SLC7A11: variants seen among roughly 807,000 people sequenced by gnomAD.
SLC7A11 encodes the protein cystine/glutamate transporter.
Under a neutral mutation model 54.5 loss-of-function variants are expected in SLC7A11, and 35 were observed. That is an observed-to-expected ratio of 0.64 (90% CI 0.49 to 0.85). The LOEUF is 0.85. SLC7A11 is among the 40% of genes least tolerant of loss of function. SLC7A11 has a pLI of 0.00. For missense variants in SLC7A11, 583 were observed against 618.1 expected, an observed-to-expected ratio of 0.94 and a Z score of 0.60; for synonymous variants, 230 against 225.2, an observed-to-expected ratio of 1.02 and a Z score of -0.19.
chr4:138,204,299 C>T (rs995309259), intron 6 of SLC7A11, among the ~76,000 whole-genome samples: 2 of 151,966 alleles, frequency 1.3e-5, no homozygotes, highest in African/African-American at 2.4e-5. Flanking sequence ...CTTTCTACAG[C>T]GCAGAATGAA....
chr4:138,200,174 A>G (rs1378566048), intron 6 of SLC7A11, among the ~76,000 whole-genome samples: 6 of 152,142 alleles, frequency 3.9e-5, no homozygotes, highest in Non-Finnish European at 8.8e-5. Flanking sequence ...TGACAATATC[A>G]ATAACAGAAA....
At position 138,216,308 on chromosome 4, in the gene SLC7A11, A is replaced by C. The variant is rs767610730; in HGVS notation, c.747-1679T>G. Among the ~76,000 whole-genome samples, 5 of 152,304 alleles carry C rather than the reference A, an allele frequency of 3.3e-5. 1 individual carries two copies. In the Middle Eastern group the frequency reaches 0.01, roughly 311 times the overall value. On this transcript the variant is annotated intron_variant, in intron 5 of 11. Coordinates refer to ENST00000280612, the MANE Select transcript of SLC7A11 (RefSeq NM_014331.4). ...AAATAATCCCAGCAAGTGCTTTAGA[A>C]AGACTAAATCCATAGAGGGGGATAG...
intron 6 of SLC7A11, among the ~76,000 whole-genome samples, chr4:138,193,254 A>G (rs889519963): frequency 6.6e-6 from 1 of 152,178 alleles, no homozygotes. Context: ...CTAGTGATCA[A>G]CTAAACAACT....
chr4:138,191,929 A>G (rs1737021505), intron 6 of SLC7A11, among the ~76,000 whole-genome samples: 1 of 152,178 alleles, frequency 6.6e-6, no homozygotes, highest in African/African-American at 2.4e-5. Flanking sequence ...TAAATAAAAT[A>G]CTAACAAAAA....
At chr4:138,222,593 G>A (rs6811062) in intron 4 of SLC7A11, among the ~76,000 whole-genome samples, 22,387 of 152,034 alleles carry the variant, frequency 0.15, 2,347 homozygotes, top group African/African-American at 0.3. Flanking sequence ...TAAATTAAAT[G>A]TTAAACTCTA....
chr4:138,192,012 G>C (rs1165584788), intron 6 of SLC7A11, among the ~76,000 whole-genome samples: 1 of 151,960 alleles, frequency 6.6e-6, no homozygotes, highest in African/African-American at 2.4e-5. Flanking sequence ...TATCTCTTAG[G>C]TTGTTTTTAA....
At chr4:138,225,094 A>C (rs1443373697) in intron 3 of SLC7A11, among the ~76,000 whole-genome samples, 5 of 145,370 alleles carry the variant, frequency 3.4e-5, no homozygotes, top group African/African-American at 1.3e-4. Flanking sequence ...TAACTAAATG[A>C]TGTGACAGAG....
rs549234039 is a variant in SLC7A11 at position 138,165,712 on chromosome 4, T to C, written c.*6244A>G. 1 of 152,268 alleles carries C rather than the reference T, an allele frequency of 6.6e-6. No individual in the cohort carries two copies. Among genetic ancestry groups the C allele is most frequent in the Admixed American group, 6.5e-5 (1 of 15,272 alleles). 9.4% of individuals were successfully genotyped at this position (152,268 alleles called of 1,614,324 possible). On this transcript the variant is annotated 3_prime_UTR_variant, in exon 12 of 12. Transcript: ENST00000280612. ...CTACTATAGATTCTAGGAATTGTCC[T>C]AAAAGAGTAAAGTGTTGTTTCCTTT...
chr4:138,218,665 A>G (rs979031910), intron 5 of SLC7A11, among the ~76,000 whole-genome samples: 5 of 152,140 alleles, frequency 3.3e-5, no homozygotes, highest in African/African-American at 1.2e-4. Flanking sequence ...AATCATCTTC[A>G]CTTTTTTAAA....
rs369253600 is a variant in SLC7A11 at position 138,182,289 on chromosome 4, T to G, written c.1116+8A>C. 6.5e-7 allele frequency: 1 copy of G among 1,535,836 alleles called. No individual in the cohort carries two copies. The highest frequency in any genetic ancestry group is 9.0e-7 in the Non-Finnish European group (1 of 1,109,162). On this transcript the variant is annotated splice_region_variant and intron_variant, in intron 9 of 11. Coordinates refer to ENST00000280612, the MANE Select transcript of SLC7A11 (RefSeq NM_014331.4). ...TTATATCTAGATATACTTGTTAATA[T>G]GCATTACCAAAACAATAACAGCTGG...
At chr4:138,197,512 C>A (rs191600006) in intron 6 of SLC7A11, among the ~76,000 whole-genome samples, 113 of 151,956 alleles carry the variant, frequency 7.4e-4, no homozygotes, top group African/African-American at 2.6e-3. Flanking sequence ...CCATAGTACA[C>A]AGAAAAATAA....
intron 9 of SLC7A11, among the ~76,000 whole-genome samples, chr4:138,181,906 G>T (rs1200061299): frequency 6.6e-6 from 1 of 151,998 alleles, no homozygotes; most frequent in Non-Finnish European, 1.5e-5. Flanking sequence ...TCATTATAAG[G>T]TGCCTAGATG....
intron 4 of SLC7A11, among the ~76,000 whole-genome samples, 156 bp downstream of exon 4, chr4:138,223,043 T>G (rs749587374): frequency 2.6e-5 from 4 of 152,132 alleles, no homozygotes; most frequent in Admixed American, 2.0e-4. Flanking sequence ...TCACTCACAA[T>G]GTAGCAGCCT....
intron 6 of SLC7A11, among the ~76,000 whole-genome samples, chr4:138,210,501 A>C (rs1250930196): frequency 2.0e-5 from 3 of 152,156 alleles, no homozygotes; most frequent in Non-Finnish European, 4.4e-5. Flanking sequence ...TGTATCTGAC[A>C]AAAGTTTAAT....
intron 3 of SLC7A11, among the ~76,000 whole-genome samples, chr4:138,230,804 A>G (rs1489305813): frequency 6.6e-6 from 1 of 152,190 alleles, no homozygotes; most frequent in Non-Finnish European, 1.5e-5. Context: ...AACAGACTAT[A>G]GACTTTTCTG....
chr4:138,196,105 A>G (rs182749049), intron 6 of SLC7A11, among the ~76,000 whole-genome samples: 1 of 152,314 alleles, frequency 6.6e-6, no homozygotes, highest in East Asian at 1.9e-4. Flanking sequence ...TGTGAATTCT[A>G]AATTATTAAA....
In SLC7A11 at chr4:138,211,495, A is replaced by T. The variant is rs538928983; in HGVS notation, c.791+3090T>A. ...ATATGGAGGCTCTCAAACCACTAAAAATAGAACTTCCATATGATCCAGCAA... is the reference window on the plus strand; with the variant it reads ...ATATGGAGGCTCTCAAACCACTAAATATAGAACTTCCATATGATCCAGCAA... On this transcript the variant is annotated intron_variant, in intron 6 of 11. Transcript: ENST00000280612. 3.9e-5 allele frequency among the ~76,000 whole-genome samples: 6 copies of T among 152,070 alleles called. No individual in the cohort carries two copies. The South Asian group carries it at 1.2e-3, about 32-fold the overall frequency.
intron 1 of SLC7A11, among the ~76,000 whole-genome samples, chr4:138,237,302 T>A (rs1738236525): frequency 6.6e-6 from 1 of 151,744 alleles, no homozygotes; most frequent in Non-Finnish European, 1.5e-5. Context: ...TTCATTTAAT[T>A]TGTAGGATAT....
At chr4:138,199,466 A>G (rs1388873979) in intron 6 of SLC7A11, among the ~76,000 whole-genome samples, 1 of 152,134 alleles carries the variant, frequency 6.6e-6, no homozygotes, top group African/African-American at 2.4e-5. Context: ...ATCGACCACA[A>G]CTACTGGGTA....
Sources: allele counts gnomAD v4.1 joint callset (sites outside exome capture counted in the v4.1 genomes callset), GRCh38; gene constraint gnomAD v4.1.1; transcripts MANE v1.5; gene names NCBI Gene and HGNC (gene_info 2026-07-23, HGNC 2026-07-21).